The following CAPN7 variants were observed in gnomAD, a reference collection of about 807,000 sequenced individuals.
CAPN7 encodes calpain 7.
Under a neutral mutation model 115.2 loss-of-function variants are expected in CAPN7, and 72 were observed. The observed-to-expected ratio is 0.63, with a 90% confidence interval of 0.52 to 0.76. The LOEUF is 0.76. Ranked by LOEUF, CAPN7 falls within the 30% of genes least tolerant of loss-of-function variation. CAPN7 has a pLI of 0.00. For synonymous variants in CAPN7, 344 were observed against 322.3 expected (o/e 1.07, Z -0.72); for missense variants, 905 against 971.5 (o/e 0.93, Z 0.91).
chr3:15,207,660 T>G (rs983964788), intron 1 of CAPN7, among the ~76,000 whole-genome samples: 3 of 151,900 alleles, frequency 2.0e-5, no homozygotes, highest in Non-Finnish European at 4.4e-5. Flanking sequence ...TTTTTATTCT[T>G]TAGTTAAAAA....
At chr3:15,230,359 A>G in intron 8 of CAPN7, 83 bp from the exon 9 acceptor site, 1 of 868,344 alleles carries the variant, frequency 1.2e-6, no homozygotes, top group Non-Finnish European at 1.9e-6. Context: ...AGACGGTAGT[A>G]TATACCTGAA....
intron 1 of CAPN7, among the ~76,000 whole-genome samples, chr3:15,210,596 C>CTTTTTTTTTTTTTTTTTTTTTTTTTTTT: frequency 9.6e-6 from 1 of 104,490 alleles, no homozygotes; most frequent in Non-Finnish European, 1.7e-5. Flanking sequence ...TGCTTCCTTC[C>CTTTTTTTTTTTTTTTTTTTTTTTTTTTT]TTTTTTTTTT....
At position 15,218,469 on chromosome 3, in the gene CAPN7, T is replaced by G. The variant is rs1378543139; in HGVS notation, c.370-4T>G. 6.2e-7 allele frequency: 1 copy of G among 1,604,678 alleles called. No individual in the cohort carries two copies. The highest frequency in any genetic ancestry group is 8.5e-7 in the Non-Finnish European group (1 of 1,171,894). On this transcript the variant is annotated splice_polypyrimidine_tract_variant and splice_region_variant and intron_variant, in intron 3 of 20. Coordinates refer to ENST00000253693, the MANE Select transcript of CAPN7 (RefSeq NM_014296.3). ...AAAATGTCTGTCTCTTTCTTTCTCT[T>G]AAGTCTTATGAAACTGCTGATAAAG...
intron 6 of CAPN7, 73 bp downstream of exon 6, chr3:15,223,634 C>G: frequency 1.1e-6 from 1 of 874,342 alleles, no homozygotes; most frequent in East Asian, 2.5e-5. Context: ...AATTTAATAG[C>G]CTTGAAATTA....
chr3:15,208,885 T>C (rs1055751297), intron 1 of CAPN7, among the ~76,000 whole-genome samples: 4 of 152,216 alleles, frequency 2.6e-5, no homozygotes, highest in African/African-American at 7.2e-5. Context: ...TCACCTTTTC[T>C]TTTAGAAAGA....
At position 15,223,409 on chromosome 3, in the gene CAPN7, G is replaced by T. The variant is rs1231898251; in HGVS notation, c.639-66G>T. On this transcript the variant is annotated intron_variant, in intron 5 of 20. Transcript: ENST00000253693. ...CATACCTTGTCATTTAAATTTTAAA[G>T]AGTTGAAATAAGATTGGCAATTAAG... The T allele has an allele frequency of 2.0e-5, 19 of 960,612 alleles. No homozygotes were observed. In the East Asian group the frequency reaches 3.6e-4, roughly 18 times the overall value. The allele number at this position is 960,612 out of a possible 1,614,324, so 59.5% of individuals were successfully genotyped here.
intron 12 of CAPN7, among the ~76,000 whole-genome samples, chr3:15,235,976 C>T (rs1694969887): frequency 6.6e-6 from 1 of 151,998 alleles, no homozygotes; most frequent in Admixed American, 6.6e-5. Flanking sequence ...CAAAACCAGC[C>T]TGGGCAACAT....
intron 19 of CAPN7, among the ~76,000 whole-genome samples, chr3:15,248,029 G>A (rs186358521): frequency 3.6e-4 from 54 of 149,128 alleles, no homozygotes; most frequent in Non-Finnish European, 7.4e-4. Context: ...CTGTTGTGGG[G>A]TGAGGGGAGG....
Position 15,233,848 on chromosome 3 carries a change from A to C in CAPN7, c.1180-19A>C. ...CTTGAAAATGACACTGGCAGTCCTG[A>C]AATGTGTTTCTGTTGCAGAATATTG... On this transcript the variant is annotated intron_variant, in intron 10 of 20. Transcript: ENST00000253693. 2 of 1,351,708 alleles carry C rather than the reference A, an allele frequency of 1.5e-6. No individual in the cohort carries two copies. Among genetic ancestry groups the C allele is most frequent in the Non-Finnish European group, 2.1e-6 (2 of 943,218 alleles). The allele number at this position is 1,351,708 out of a possible 1,614,324, so 83.7% of individuals were successfully genotyped here.
chr3:15,215,855 G>A lies in CAPN7; in HGVS notation c.212-1570G>A, dbSNP rs901749966. Among the ~76,000 whole-genome samples the A allele has an allele frequency of 7.2e-5, 11 of 152,312 alleles. No homozygotes were observed. The East Asian group carries it at 2.1e-3, about 29-fold the overall frequency. ...AATCCCAGCACTTTGGGAGGCCAAG[G>A]CAGACAGATCACTTGAGGCCAGCAG... On this transcript the variant is annotated intron_variant, in intron 2 of 20. Transcript: ENST00000253693.
intron 12 of CAPN7, among the ~76,000 whole-genome samples, chr3:15,235,536 A>G (rs371001914): frequency 2.6e-5 from 4 of 151,472 alleles, no homozygotes; most frequent in African/African-American, 9.7e-5. Flanking sequence ...TGTGGAAGAC[A>G]GTTTTTCCAC....
intron 1 of CAPN7, among the ~76,000 whole-genome samples, chr3:15,207,085 TTTG>T (rs1355670351): frequency 6.6e-5 from 10 of 152,204 alleles, no homozygotes; most frequent in East Asian, 1.9e-4. Context: ...CTTAGGCCAT[TTTG>T]TTGTTGTGCG....
intron 16 of CAPN7, 28 bp from the exon 17 acceptor site, chr3:15,245,498 T>G (rs1695605091): frequency 6.3e-7 from 1 of 1,581,770 alleles, no homozygotes. Flanking sequence ...AAGTCTCCTT[T>G]TCTCTAAGCC....
At chr3:15,208,139 T>G (rs2044733773) in intron 1 of CAPN7, among the ~76,000 whole-genome samples, 1 of 152,086 alleles carries the variant, frequency 6.6e-6, no homozygotes, top group South Asian at 2.1e-4. Context: ...ATATATTCAG[T>G]CTGTTGTTGA....
chr3:15,232,578 C>T lies in CAPN7; in HGVS notation c.1092C>T (p.Ser364=). 1 of 1,611,662 alleles carries T rather than the reference C, an allele frequency of 6.2e-7. No individual in the cohort carries two copies. The highest frequency in any genetic ancestry group is 8.5e-7 in the Non-Finnish European group (1 of 1,178,616). The change falls in exon 10 of 21, where the codon TCC becomes TCT. Residue 364 remains serine (S), a synonymous_variant. Coordinates refer to ENST00000253693, the MANE Select transcript of CAPN7 (RefSeq NM_014296.3). ...AGGGAGAATTGCTCTGTTCTTATTCCAACAACAAAAGTGAATTATGGGTTT... is the reference window on the plus strand; with the variant it reads ...AGGGAGAATTGCTCTGTTCTTATTCTAACAACAAAAGTGAATTATGGGTTT... ...DHKGELLCSY[S]NNKSELWVSL...
At chr3:15,249,227 C>T (rs1695859815) in intron 19 of CAPN7, among the ~76,000 whole-genome samples, 1 of 151,892 alleles carries the variant, frequency 6.6e-6, no homozygotes, top group African/African-American at 2.4e-5. Flanking sequence ...CCTATTTGCT[C>T]TTTTGTACTT....
At chr3:15,233,178 A>G (rs528474619) in intron 10 of CAPN7, among the ~76,000 whole-genome samples, 130 of 152,292 alleles carry the variant, frequency 8.5e-4, no homozygotes, top group Non-Finnish European at 1.7e-3. Flanking sequence ...CTCTTCATGT[A>G]TCCATAATAT....
rs948502262 is a variant in CAPN7, at chr3:15,242,358, A to G, written c.1864+105A>G. 5.8e-6 allele frequency: 4 copies of G among 689,080 alleles called. No homozygotes were observed. In the African/African-American group the frequency reaches 7.3e-5, roughly 13 times the overall value. 42.7% of individuals were successfully genotyped at this position (689,080 alleles called of 1,614,324 possible). ...TTTTATGTAGATAATATAGAGAAAT[A>G]ATTATGTTGATAGACTAATAGAAAC... is the stretch of plus-strand genomic sequence containing the variant. On this transcript the variant is annotated intron_variant, in intron 16 of 20. Coordinates refer to ENST00000253693, the MANE Select transcript of CAPN7 (RefSeq NM_014296.3).
chr3:15,206,637 C>A, intron 1 of CAPN7, 40 bp downstream of exon 1: 1 of 1,439,554 alleles, frequency 6.9e-7, no homozygotes, highest in South Asian at 1.3e-5. Flanking sequence ...GTTGCTCAGT[C>A]GGAGTGCGGC....
Sources: gnomAD v4.1 joint callset for allele counts (sites outside exome capture counted in the v4.1 genomes callset) on GRCh38, gnomAD v4.1.1 for gene constraint, MANE v1.5 for transcripts, NCBI Gene and HGNC (gene_info 2026-07-23, HGNC 2026-07-21) for gene names.